The following RS1 variants were observed in gnomAD, a reference collection of about 807,000 sequenced individuals.
The protein encoded by RS1 is retinoschisin.
RS1 carries 2 observed loss-of-function variants against 20.8 expected under a neutral mutation model. The observed-to-expected ratio is 0.10, with a 90% CI of 0.04 to 0.30. RS1 has a LOEUF of 0.30. Among genes scored for constraint, RS1 ranks in the 10% least tolerant of loss-of-function variants. RS1 has a pLI of 1.00. For missense variants in RS1, 151 were observed against 189.8 expected (o/e 0.80, Z 1.20); for synonymous variants, 70 against 75.8 (o/e 0.92, Z 0.40).
rs1056152646 is a variant in RS1, at chrX:18,640,096, T to C, written c.*1908A>G. On this transcript the variant is annotated 3_prime_UTR_variant, in exon 6 of 6. Coordinates refer to ENST00000379984, the MANE Select transcript of RS1 (RefSeq NM_000330.4). ...GATCTAGTGATAATGGTTGCACAAC[T>C]CTGAATATACCAAAAGTCATCAAAT... The C allele has an allele frequency of 1.8e-5, 2 of 111,343 alleles. No homozygotes were observed. The highest frequency in any genetic ancestry group is 6.5e-5 in the African/African-American group (2 of 30,544). The allele number at this position is 111,343 out of a possible 1,213,427, so 9.2% of individuals were successfully genotyped here.
chrX:18,651,041 T>C (rs1928005887), intron 3 of RS1, among the ~76,000 whole-genome samples: 1 of 110,726 alleles, frequency 9.0e-6, no homozygotes, highest in Non-Finnish European at 1.9e-5. Context: ...ATTTTGCATG[T>C]TTTTCTGGCA....
chrX:18,644,668 A>G (rs1310286807), intron 4 of RS1, 43 bp from the exon 5 acceptor site: 2 of 1,178,216 alleles, frequency 1.7e-6, no homozygotes, highest in Non-Finnish European at 2.3e-6. Context: ...CCCCCTGTGC[A>G]TGTCTGCAAA....
intron 1 of RS1, among the ~76,000 whole-genome samples, chrX:18,669,363 C>T (rs941130661): frequency 3.1e-4 from 33 of 107,927 alleles, no homozygotes; most frequent in African/African-American, 1.1e-3. Flanking sequence ...TGGTGGCACA[C>T]GTCTGTAATC....
At chrX:18,651,220 A>AGTGT (rs3838188) in intron 3 of RS1, among the ~76,000 whole-genome samples, 1,253 of 65,128 alleles carry the variant, frequency 0.019, 18 homozygotes, top group Non-Finnish European at 0.025. Flanking sequence ...GGCAGGAGCA[A>AGTGT]GTGTGTGTGT....
intron 3 of RS1, among the ~76,000 whole-genome samples, chrX:18,654,044 A>AT (rs1191004544): frequency 2.7e-5 from 3 of 111,358 alleles, no homozygotes; most frequent in Non-Finnish European, 3.8e-5. Flanking sequence ...AGCTAAAAGA[A>AT]TTTCTAATTT....
At chrX:18,648,344 C>T (rs966315038) in intron 3 of RS1, among the ~76,000 whole-genome samples, 53 of 110,566 alleles carry the variant, frequency 4.8e-4, no homozygotes, top group African/African-American at 1.4e-3. Flanking sequence ...TGGGCTCAAG[C>T]GATCCTGCCA....
chrX:18,651,281 G>GAC (rs1928034685), intron 3 of RS1, among the ~76,000 whole-genome samples: 1 of 108,595 alleles, frequency 9.2e-6, no homozygotes, highest in African/African-American at 3.4e-5. Context: ...GAGAGAGAGA[G>GAC]AGAGAGACAG....
chrX:18,642,871 G>A (rs1021618888), intron 5 of RS1, among the ~76,000 whole-genome samples: 1 of 110,179 alleles, frequency 9.1e-6, no homozygotes, highest in African/African-American at 3.3e-5. Context: ...GTGAGACCCC[G>A]TCTCTACTAA....
At chrX:18,658,752 C>T (rs972275045) in intron 1 of RS1, among the ~76,000 whole-genome samples, 31 of 108,078 alleles carry the variant, frequency 2.9e-4, no homozygotes, top group Admixed American at 4.1e-4. Flanking sequence ...CCACCATGCC[C>T]GGCCCAAGGT....
At chrX:18,662,033 C>A (rs913350779) in intron 1 of RS1, among the ~76,000 whole-genome samples, 1 of 110,513 alleles carries the variant, frequency 9.0e-6, no homozygotes, top group Non-Finnish European at 1.9e-5. Context: ...CCACGCGCTG[C>A]CCCCCTCCAG....
chrX:18,642,170 G>C lies in RS1; in HGVS notation c.523-14C>G. The C allele has an allele frequency of 8.3e-7, 1 of 1,208,934 alleles. No homozygotes were observed. The highest frequency in any genetic ancestry group is 1.7e-5 in the African/African-American group (1 of 57,738). On this transcript the variant is annotated splice_polypyrimidine_tract_variant and intron_variant, in intron 5 of 5. Coordinates refer to ENST00000379984, the MANE Select transcript of RS1 (RefSeq NM_000330.4). ...GCCATAGAAGACCTAGAGAGATAGAGGAAATCCTGTCACCATCACATCGGG... is the reference window on the plus strand; with the variant it reads ...GCCATAGAAGACCTAGAGAGATAGACGAAATCCTGTCACCATCACATCGGG...
intron 3 of RS1, among the ~76,000 whole-genome samples, chrX:18,654,139 TTC>T (rs1397819324): frequency 9.6e-6 from 1 of 104,549 alleles, no homozygotes; most frequent in African/African-American, 3.4e-5. Context: ...CACATGACTC[TTC>T]TCTCTCTCTT....
chrX:18,653,711 G>A, intron 3 of RS1: 1 of 691,668 alleles, frequency 1.4e-6, no homozygotes. Context: ...GCTCACGCCT[G>A]TAATCCCAGC....
At chrX:18,662,028 C>G (rs1263987385) in intron 1 of RS1, among the ~76,000 whole-genome samples, 1 of 111,658 alleles carries the variant, frequency 9.0e-6, no homozygotes, top group Non-Finnish European at 1.9e-5. Context: ...AGGGACCACG[C>G]GCTGCCCCCC....
In RS1 at chrX:18,641,297, T is replaced by C. The variant is rs1927566058; in HGVS notation, c.*707A>G. 8.8e-6 allele frequency: 1 copy of C among 113,152 alleles called. No individual in the cohort carries two copies. Among genetic ancestry groups the C allele is most frequent in the Non-Finnish European group, 1.9e-5 (1 of 53,983 alleles). 9.3% of individuals were successfully genotyped at this position (113,152 alleles called of 1,213,427 possible). A position where few individuals can be genotyped will look rare whatever the true frequency, so the allele number is the denominator to read the frequency against. On this transcript the variant is annotated 3_prime_UTR_variant, in exon 6 of 6. Transcript: ENST00000379984. ...GAATTTGCTGGAATGGATTGCATAA[T>C]GGAGCTGTGTGTATTGGGCGCTCTG...
chrX:18,646,663 C>T (rs1437976788), intron 4 of RS1, among the ~76,000 whole-genome samples: 1 of 111,580 alleles, frequency 9.0e-6, no homozygotes, highest in Non-Finnish European at 1.9e-5. Context: ...CACCTTGTCT[C>T]ACTTGTGCTT....
chrX:18,647,377 C>G, intron 3 of RS1, 45 bp from the exon 4 acceptor site: 1 of 1,180,897 alleles, frequency 8.5e-7, no homozygotes, highest in Non-Finnish European at 1.2e-6. Context: ...TCTCAATACT[C>G]AACAAGCACC....
chrX:18,668,274 G>T (rs1042955643), intron 1 of RS1, among the ~76,000 whole-genome samples: 1 of 112,031 alleles, frequency 8.9e-6, no homozygotes, highest in Middle Eastern at 4.2e-3. Flanking sequence ...GGCTCATTCT[G>T]CCCCTTGGTC....
intron 1 of RS1, among the ~76,000 whole-genome samples, chrX:18,666,231 G>A (rs770504269): frequency 4.5e-5 from 5 of 111,704 alleles, no homozygotes; most frequent in Non-Finnish European, 9.4e-5. Flanking sequence ...GGAAAATTAC[G>A]GTGACTGCTG....
Sources: allele counts gnomAD v4.1 joint callset (sites outside exome capture counted in the v4.1 genomes callset), GRCh38; gene constraint gnomAD v4.1.1; transcripts MANE v1.5; gene names NCBI Gene and HGNC (gene_info 2026-07-23, HGNC 2026-07-21).